ACTN1: variants seen among roughly 807,000 people sequenced by gnomAD.
ACTN1 encodes alpha-actinin-1.
ACTN1 carries 30 observed loss-of-function variants against 119.6 expected under a neutral mutation model. The observed-to-expected ratio is 0.25, with a 90% CI of 0.19 to 0.34. The LOEUF is 0.34. ACTN1 is among the 10% of genes least tolerant of loss of function. The pLI, the probability that ACTN1 is intolerant of heterozygous loss-of-function variation, is 1.00. For missense variants in ACTN1, 764 were observed against 1,223.4 expected, an observed-to-expected ratio of 0.62 and a Z score of 5.60; for synonymous variants, 429 against 472.6, an observed-to-expected ratio of 0.91 and a Z score of 1.20.
intron 21 of ACTN1, 47 bp from the exon 22 acceptor site, chr14:68,875,064 A>T (rs2030730346): frequency 6.2e-7 from 1 of 1,605,686 alleles, no homozygotes; most frequent in East Asian, 2.2e-5. Flanking sequence ...CAGCAGCCGT[A>T]AAGCGGCGCG....
At chr14:68,961,016 G>A (rs920703245) in intron 1 of ACTN1, among the ~76,000 whole-genome samples, 1 of 152,222 alleles carries the variant, frequency 6.6e-6, no homozygotes, top group Non-Finnish European at 1.5e-5. Flanking sequence ...GCTGCAGTGA[G>A]CTATGACAGC....
At chr14:68,896,680 C>G (rs1220527478) in intron 8 of ACTN1, among the ~76,000 whole-genome samples, 1 of 152,156 alleles carries the variant, frequency 6.6e-6, no homozygotes, top group Non-Finnish European at 1.5e-5. Flanking sequence ...GGAACTGAAG[C>G]AGCTTCAGAA....
chr14:68,950,477 T>TATATATATATACAC, intron 1 of ACTN1, among the ~76,000 whole-genome samples: 2 of 144,884 alleles, frequency 1.4e-5, no homozygotes, highest in African/African-American at 5.7e-5. Context: ...TATATATATA[T>TATATATATATACAC]AAATCAAACA....
chr14:68,967,640 C>T (rs1232910543), intron 1 of ACTN1, among the ~76,000 whole-genome samples: 2 of 152,228 alleles, frequency 1.3e-5, no homozygotes, highest in Admixed American at 6.5e-5. Flanking sequence ...TCCTTTCTGA[C>T]TCTCCTAGCC....
At chr14:68,958,301 C>T (rs1374839161) in intron 1 of ACTN1, among the ~76,000 whole-genome samples, 1 of 152,090 alleles carries the variant, frequency 6.6e-6, no homozygotes, top group African/African-American at 2.4e-5. Flanking sequence ...AATCAGGTGC[C>T]CCATGCACCT....
chr14:68,972,224 C>T (rs1380551926), intron 1 of ACTN1, among the ~76,000 whole-genome samples: 1 of 152,168 alleles, frequency 6.6e-6, no homozygotes, highest in African/African-American at 2.4e-5. Flanking sequence ...TGGTCAGTTT[C>T]CAAGGAAAGA....
chr14:68,960,644 C>T (rs1360332999), intron 1 of ACTN1, among the ~76,000 whole-genome samples: 2 of 151,932 alleles, frequency 1.3e-5, no homozygotes, highest in Non-Finnish European at 2.9e-5. Flanking sequence ...GGCACAGTGG[C>T]TCCTACCTGT....
intron 8 of ACTN1, among the ~76,000 whole-genome samples, chr14:68,897,807 G>A (rs1057502989): frequency 6.6e-6 from 1 of 152,236 alleles, no homozygotes; most frequent in Admixed American, 6.5e-5. Flanking sequence ...GCTTCCTCAC[G>A]GTGAGTGGGC....
intron 10 of ACTN1, 146 bp from the exon 11 acceptor site, chr14:68,890,432 C>A: frequency 1.1e-6 from 1 of 931,752 alleles, no homozygotes; most frequent in Non-Finnish European, 1.5e-6. Context: ...AGCCAGGCTG[C>A]CCCACCATAC....
At chr14:68,952,283 C>T (rs2036194829) in intron 1 of ACTN1, among the ~76,000 whole-genome samples, 1 of 152,198 alleles carries the variant, frequency 6.6e-6, no homozygotes. Context: ...TTCTGACAGG[C>T]CCCAGCTTGG....
At position 68,893,640 on chromosome 14, in the gene ACTN1, C is replaced by T. The variant is rs768933401; in HGVS notation, c.855+15G>A. ...TCTTGCTAGAGTCAGGCCAGGTGAA[C>T]CCGGGGGTACCCACATCACTGGCCA... On this transcript the variant is annotated intron_variant, in intron 9 of 21. Coordinates refer to ENST00000394419, the MANE Select transcript of ACTN1 (RefSeq NM_001130004.2). 6.2e-6 allele frequency: 10 copies of T among 1,612,466 alleles called. No individual in the cohort carries two copies. Among genetic ancestry groups the T allele is most frequent in the Admixed American group, 1.7e-5 (1 of 59,912 alleles).
intron 1 of ACTN1, among the ~76,000 whole-genome samples, chr14:68,961,036 C>T (rs909711177): frequency 3.9e-5 from 6 of 152,152 alleles, no homozygotes; most frequent in Non-Finnish European, 5.9e-5. Flanking sequence ...CACCACTGCA[C>T]GCCAGCCTGG....
intron 1 of ACTN1, among the ~76,000 whole-genome samples, chr14:68,935,020 CTTTG>C (rs1181238656): frequency 2.0e-5 from 3 of 151,998 alleles, no homozygotes; most frequent in African/African-American, 4.8e-5. Context: ...TGGTTGTGGG[CTTTG>C]TTTTTGTTTT....
intron 3 of ACTN1, among the ~76,000 whole-genome samples, chr14:68,918,378 G>T (rs147358349): frequency 0.015 from 2,335 of 152,018 alleles, 57 homozygotes; most frequent in Non-Finnish European, 0.017. Context: ...TCAGGAGATC[G>T]AGACCATCCT....
intron 1 of ACTN1, 188 bp downstream of exon 1, chr14:68,978,764 G>A: frequency 2.4e-6 from 1 of 415,132 alleles, no homozygotes; most frequent in Non-Finnish European, 4.2e-6. Context: ...TCCGGGGCAG[G>A]GGCGCTCCCG....
intron 9 of ACTN1, among the ~76,000 whole-genome samples, chr14:68,892,898 C>T (rs541045836): frequency 6.6e-6 from 1 of 152,226 alleles, no homozygotes; most frequent in African/African-American, 2.4e-5. Flanking sequence ...GCACATCACA[C>T]ACATGGACTC....
Position 68,882,504 on chromosome 14 carries a change from C to T in ACTN1, c.1907G>A (p.Gly636Glu). 1 of 1,614,186 alleles carries T rather than the reference C, an allele frequency of 6.2e-7. No individual in the cohort carries two copies. Among genetic ancestry groups the T allele is most frequent in the Non-Finnish European group, 8.5e-7 (1 of 1,180,042 alleles). Residue 636 changes from glycine (G) to glutamate (E), a missense_variant, in exon 16 of 22, where the codon GGA (glycine) becomes GAA (glutamate). Coordinates refer to ENST00000394419, the MANE Select transcript of ACTN1 (RefSeq NM_001130004.2). The surrounding 1 kb of genome is among the most constrained non-coding windows in gnomAD (Gnocchi z 4.5). ...QHNERLRKQF[G>E]AQANVIGPWI... ...GGGCCCGATGACATTGGCCTGGGCT[C>T]CAAACTGCTTGCGTAGCCTCTCATT...
chr14:68,884,161 G>C lies in ACTN1; in HGVS notation c.1635+7C>G. 3 of 1,608,926 alleles carry C rather than the reference G, an allele frequency of 1.9e-6. No homozygotes were observed. The highest frequency in any genetic ancestry group is 2.5e-6 in the Non-Finnish European group (3 of 1,176,620). ...GCCAGCCTCCGGGGAGTGGAGGTGG[G>C]GCTCACCTGGATCTCCTCAATGGTG... On this transcript the variant is annotated splice_region_variant and intron_variant, in intron 14 of 21. Transcript: ENST00000394419.
At chr14:68,970,934 T>G (rs550689771) in intron 1 of ACTN1, among the ~76,000 whole-genome samples, 1 of 152,204 alleles carries the variant, frequency 6.6e-6, no homozygotes, top group East Asian at 1.9e-4. Flanking sequence ...TTTCCCTGCA[T>G]GTAAAATGGG....
Sources: allele counts gnomAD v4.1 joint callset (sites outside exome capture counted in the v4.1 genomes callset), GRCh38; gene constraint gnomAD v4.1.1; non-coding constraint Gnocchi (gnomAD v3.1); transcripts MANE v1.5; gene names NCBI Gene and HGNC (gene_info 2026-07-23, HGNC 2026-07-21).